Variants in ELAPOR2 observed in about 807,000 individuals in gnomAD.
The protein encoded by ELAPOR2 is endosome/lysosome-associated apoptosis and autophagy regulator family member 2.
ELAPOR2 carries 89 observed loss-of-function variants against 120.7 expected under a neutral mutation model. The ratio of observed to expected loss-of-function variants is 0.74; its 90% CI spans 0.62 to 0.88. The LOEUF is 0.88. Among genes scored for constraint, ELAPOR2 ranks in the 40% least tolerant of loss-of-function variants. ELAPOR2 has a pLI of 0.00. For synonymous variants in ELAPOR2, 444 were observed against 444.9 expected, an observed-to-expected ratio of 1.00 and a Z score of 0.03; for missense variants, 1,134 against 1,251.6, an observed-to-expected ratio of 0.91 and a Z score of 1.42.
At chr7:86,941,420 A>T (rs1790790775) in intron 5 of ELAPOR2, 1 of 518,482 alleles carries the variant, frequency 1.9e-6, no homozygotes, top group African/African-American at 1.9e-5. Context: ...TACTTCATGT[A>T]ACCAGAGAAG....
At chr7:86,974,866 C>A (rs1792227948) in intron 1 of ELAPOR2, among the ~76,000 whole-genome samples, 1 of 152,108 alleles carries the variant, frequency 6.6e-6, no homozygotes, top group Admixed American at 6.5e-5. Flanking sequence ...AAGGATTATT[C>A]CATAACATTC....
chr7:86,994,670 A>G (rs1055179502), intron 1 of ELAPOR2, among the ~76,000 whole-genome samples: 2 of 152,162 alleles, frequency 1.3e-5, no homozygotes, highest in Non-Finnish European at 2.9e-5. Flanking sequence ...AGTAAAAGTA[A>G]ATTGATTGGT....
At chr7:86,981,235 G>A (rs186779649) in intron 1 of ELAPOR2, among the ~76,000 whole-genome samples, 2 of 152,150 alleles carry the variant, frequency 1.3e-5, no homozygotes, top group Non-Finnish European at 2.9e-5. Flanking sequence ...CTATTCAGTT[G>A]AACTTTTGCA....
chr7:87,010,423 G>T (rs902470928), intron 1 of ELAPOR2, among the ~76,000 whole-genome samples: 3 of 152,150 alleles, frequency 2.0e-5, no homozygotes, highest in African/African-American at 7.2e-5. Flanking sequence ...GCTACATAGG[G>T]GAAGACTAAG....
intron 1 of ELAPOR2, among the ~76,000 whole-genome samples, chr7:86,985,095 T>G (rs764325158): frequency 7.2e-5 from 11 of 152,090 alleles, no homozygotes; most frequent in Admixed American, 4.6e-4. Flanking sequence ...AAGAAATTGA[T>G]AAATCCCTGG....
chr7:86,978,362 A>T (rs567154602), intron 1 of ELAPOR2, among the ~76,000 whole-genome samples: 1 of 152,336 alleles, frequency 6.6e-6, no homozygotes, highest in South Asian at 2.1e-4. Flanking sequence ...AGACTAATAC[A>T]CTTCCAGTAA....
intron 1 of ELAPOR2, among the ~76,000 whole-genome samples, chr7:86,970,048 T>G (rs1583925230): frequency 1.3e-5 from 2 of 152,012 alleles, no homozygotes; most frequent in South Asian, 4.1e-4. Context: ...CAGCCTAGGG[T>G]GGATGAATAG....
chr7:86,947,586 C>A (rs1791060419), intron 3 of ELAPOR2, 141 bp downstream of exon 3: 2 of 721,714 alleles, frequency 2.8e-6, no homozygotes, highest in African/African-American at 3.6e-5. Flanking sequence ...CAATGACCGT[C>A]CAAAAAACAT....
chr7:86,937,064 A>C (rs550824884), intron 8 of ELAPOR2, among the ~76,000 whole-genome samples: 43 of 152,210 alleles, frequency 2.8e-4, no homozygotes, highest in African/African-American at 1.0e-3. Flanking sequence ...TATATTTTCT[A>C]AAAAATAGCC....
At chr7:86,987,584 A>T (rs962077164) in intron 1 of ELAPOR2, among the ~76,000 whole-genome samples, 1 of 152,208 alleles carries the variant, frequency 6.6e-6, no homozygotes, top group Non-Finnish European at 1.5e-5. Flanking sequence ...CAGCCAACAG[A>T]TACATAAAAA....
intron 1 of ELAPOR2, among the ~76,000 whole-genome samples, chr7:87,048,571 C>A (rs1795016912): frequency 6.6e-6 from 1 of 152,182 alleles, no homozygotes. Context: ...TTTGATACCA[C>A]AACAGTGTGA....
intron 1 of ELAPOR2, among the ~76,000 whole-genome samples, chr7:87,013,453 C>T (rs1198998041): frequency 6.6e-6 from 1 of 152,012 alleles, no homozygotes; most frequent in Non-Finnish European, 1.5e-5. Flanking sequence ...TTTTAAAATG[C>T]CCAGGGTTTT....
chr7:87,037,683 G>T (rs564571523), intron 1 of ELAPOR2, among the ~76,000 whole-genome samples: 1 of 152,078 alleles, frequency 6.6e-6, no homozygotes, highest in African/African-American at 2.4e-5. Context: ...TGTTAATAGC[G>T]CTTCATAGCT....
At chr7:86,945,551 G>A (rs555071304) in intron 3 of ELAPOR2, among the ~76,000 whole-genome samples, 1 of 152,236 alleles carries the variant, frequency 6.6e-6, no homozygotes, top group South Asian at 2.1e-4. Flanking sequence ...TCTTTGTAAG[G>A]TTATTTTAAA....
At chr7:86,964,199 T>C (rs1191763509) in intron 2 of ELAPOR2, among the ~76,000 whole-genome samples, 1 of 152,120 alleles carries the variant, frequency 6.6e-6, no homozygotes, top group Non-Finnish European at 1.5e-5. Flanking sequence ...CTTCAAACTT[T>C]AGTCTACCCT....
intron 1 of ELAPOR2, among the ~76,000 whole-genome samples, chr7:87,032,320 G>A (rs1322455904): frequency 2.0e-5 from 3 of 152,090 alleles, no homozygotes; most frequent in African/African-American, 7.2e-5. Context: ...TTGCTATTAA[G>A]TGGGCTAATA....
chr7:86,961,402 G>A (rs1005833915), intron 2 of ELAPOR2, among the ~76,000 whole-genome samples: 3 of 152,196 alleles, frequency 2.0e-5, no homozygotes, highest in Non-Finnish European at 4.4e-5. Flanking sequence ...CCAAATAAGA[G>A]AATATAAAAG....
At chr7:86,909,099 T>C (rs1477921585) in intron 16 of ELAPOR2, among the ~76,000 whole-genome samples, 2 of 151,944 alleles carry the variant, frequency 1.3e-5, no homozygotes, top group East Asian at 3.9e-4. Flanking sequence ...AGAGCAAACT[T>C]TGCTTCAGAG....
intron 1 of ELAPOR2, among the ~76,000 whole-genome samples, chr7:87,035,288 A>G (rs529106448): frequency 2.0e-4 from 30 of 152,188 alleles, no homozygotes; most frequent in Non-Finnish European, 4.0e-4. Context: ...TTTGCAATCC[A>G]TCCAAAGAAG....
Sources: allele counts gnomAD v4.1 joint callset (sites outside exome capture counted in the v4.1 genomes callset), GRCh38; gene constraint gnomAD v4.1.1; transcripts MANE v1.5; gene names NCBI Gene and HGNC (gene_info 2026-07-23, HGNC 2026-07-21).